RMST: variants seen among roughly 807,000 people sequenced by gnomAD.
The protein encoded by RMST is rhabdomyosarcoma 2 associated transcript.
At chr12:97,551,116 G>A (rs554320485) in intron 11 of RMST, among the ~76,000 whole-genome samples, 66 of 151,214 alleles carry the variant, frequency 4.4e-4, no homozygotes, top group Admixed American at 5.9e-4. Flanking sequence ...TATCTTGAGA[G>A]GCTCTACCAA....
At chr12:97,483,317 A>AT (rs1488678461) in intron 5 of RMST, 1 of 152,124 alleles carries the variant, frequency 6.6e-6, no homozygotes. Flanking sequence ...GTAGGGTACG[A>AT]TTTTTATTTC....
At chr12:97,559,088 TTC>T (rs56136727) in intron 11 of RMST, among the ~76,000 whole-genome samples, 433 of 146,274 alleles carry the variant, frequency 3.0e-3, no homozygotes, top group Admixed American at 3.2e-3. Context: ...ATTTCGAGGT[TTC>T]TCTCTCTCTC....
chr12:97,542,121 T>C lies in RMST; in HGVS notation n.1545+11262T>C, dbSNP rs148392937. ...TATGAAAGTGGGCTTGGAAGTCAGG[T>C]AGCCTGAGTTTAGATCCTTGGTTCT... is the stretch of plus-strand genomic sequence containing the variant. On this transcript the variant is annotated intron_variant and non_coding_transcript_variant, in intron 11 of 13. Coordinates refer to ENST00000640149, the Ensembl canonical transcript of RMST. Among the ~76,000 whole-genome samples, 661 of 152,024 alleles carry C rather than the reference T, an allele frequency of 4.3e-3. 3 individuals carry two copies. The highest frequency in any genetic ancestry group is 7.2e-3 in the Non-Finnish European group (486 of 67,888).
chr12:97,561,629 C>CTTTTTTTTTTTTTT, intron 13 of RMST, among the ~76,000 whole-genome samples: 1 of 56,648 alleles, frequency 1.8e-5, no homozygotes, highest in Non-Finnish European at 3.0e-5. Context: ...AGTTTGAAGG[C>CTTTTTTTTTTTTTT]TTTTTTTTTT....
chr12:97,542,664 C>T (rs1015938569), intron 11 of RMST, among the ~76,000 whole-genome samples: 8 of 151,896 alleles, frequency 5.3e-5, no homozygotes, highest in Non-Finnish European at 1.2e-4. Flanking sequence ...GGACCACATC[C>T]ATCTCTGGGG....
chr12:97,520,578 C>T (rs1362653378), intron 10 of RMST, among the ~76,000 whole-genome samples: 1 of 151,988 alleles, frequency 6.6e-6, no homozygotes, highest in South Asian at 2.1e-4. Context: ...GGCACAAATT[C>T]CACTTTTCAT....
At chr12:97,534,748 T>C (rs1325292642) in intron 11 of RMST, among the ~76,000 whole-genome samples, 4 of 151,896 alleles carry the variant, frequency 2.6e-5, no homozygotes, top group South Asian at 4.1e-4. Flanking sequence ...TGACATTTTC[T>C]CTTATAGCTG....
At chr12:97,465,555 A>G (rs1873089797) in intron 4 of RMST, 1 of 152,208 alleles carries the variant, frequency 6.6e-6, no homozygotes, top group African/African-American at 2.4e-5. Context: ...AGGTATCAGG[A>G]AAGGCATTTA....
At chr12:97,541,568 A>G (rs1183631822) in intron 11 of RMST, among the ~76,000 whole-genome samples, 1 of 151,620 alleles carries the variant, frequency 6.6e-6, no homozygotes, top group Non-Finnish European at 1.5e-5. Context: ...TTCCACTCTT[A>G]TTAATAGGGC....
chr12:97,562,015 G>GAGTGCGCCAGTTTT (rs1354708367), intron 13 of RMST, among the ~76,000 whole-genome samples: 1 of 152,072 alleles, frequency 6.6e-6, no homozygotes, highest in African/African-American at 2.4e-5. Context: ...AGTTTTTGCT[G>GAGTGCGCCAGTTTT]GCTGAGTGCG....
intron 5 of RMST, among the ~76,000 whole-genome samples, chr12:97,490,795 C>A (rs1259306503): frequency 6.6e-6 from 1 of 152,098 alleles, no homozygotes; most frequent in African/African-American, 2.4e-5. Context: ...AAAAACTAAT[C>A]AGCCAGATGT....
intron 11 of RMST, among the ~76,000 whole-genome samples, chr12:97,535,085 TTAAC>T (rs1465557160): frequency 6.6e-6 from 1 of 151,728 alleles, no homozygotes; most frequent in Non-Finnish European, 1.5e-5. Context: ...ATTATCCTCT[TTAAC>T]AGACAATAAT....
Position 97,468,373 on chromosome 12 carries a change from G to A in RMST, n.644+2646G>A, listed in dbSNP as rs117608796. 4.4e-3 allele frequency among the ~76,000 whole-genome samples: 671 copies of A among 152,060 alleles called. 2 individuals carry two copies. The highest frequency in any genetic ancestry group is 7.2e-3 in the Non-Finnish European group (491 of 67,870). On this transcript the variant is annotated intron_variant and non_coding_transcript_variant, in intron 5 of 13. Transcript: ENST00000640149. ...GAGAAGGGCTATATAGACTCGTTAC[G>A]TCCCTGAATCCTTCTAAAGTTGCTA...
At chr12:97,515,363 T>C (rs963589041) in intron 10 of RMST, among the ~76,000 whole-genome samples, 4 of 152,122 alleles carry the variant, frequency 2.6e-5, no homozygotes, top group African/African-American at 9.7e-5. Flanking sequence ...TGTATGTTTT[T>C]AGAGAATAGA....
chr12:97,500,147 C>T (rs1041749353), intron 10 of RMST, among the ~76,000 whole-genome samples: 3 of 152,176 alleles, frequency 2.0e-5, no homozygotes, highest in Non-Finnish European at 2.9e-5. Context: ...ATTGCCTTCT[C>T]CCAGCATTAT....
At position 97,539,579 on chromosome 12, in the gene RMST, G is replaced by T. The variant is rs548987361; in HGVS notation, n.1545+8720G>T. Among the ~76,000 whole-genome samples the T allele has an allele frequency of 9.9e-5, 15 of 151,618 alleles. No homozygotes were observed. In the South Asian group the frequency reaches 2.5e-3, roughly 25 times the overall value. ...TACAGCAATCTATTCTAAACAAAACGATGCCTGGGCACTTTTTGCTATCAT... is the reference window on the plus strand; with the variant it reads ...TACAGCAATCTATTCTAAACAAAACTATGCCTGGGCACTTTTTGCTATCAT... On this transcript the variant is annotated intron_variant and non_coding_transcript_variant, in intron 11 of 13. Coordinates refer to ENST00000640149, the Ensembl canonical transcript of RMST.
intron 11 of RMST, among the ~76,000 whole-genome samples, chr12:97,542,594 G>T (rs1342801299): frequency 6.6e-6 from 1 of 151,756 alleles, no homozygotes; most frequent in East Asian, 1.9e-4. Context: ...ATTTAAATAG[G>T]ACCAGAGCCC....
At chr12:97,564,402 G>GAACACC in exon 14 of RMST, 1 of 155,676 alleles carries the variant, frequency 6.4e-6, no homozygotes, top group Admixed American at 6.3e-5. Context: ...CCATGTAAGG[G>GAACACC]TGTGGTACAA....
chr12:97,539,073 G>C (rs1179458123), intron 11 of RMST, among the ~76,000 whole-genome samples: 1 of 151,292 alleles, frequency 6.6e-6, no homozygotes, highest in East Asian at 1.9e-4. Context: ...ATTGCTATTT[G>C]CTGTCTAATC....
Sources: gnomAD v4.1 joint callset for allele counts (sites outside exome capture counted in the v4.1 genomes callset) on GRCh38, gnomAD v4.1.1 for gene constraint, MANE v1.5 for transcripts, NCBI Gene and HGNC (gene_info 2026-07-23, HGNC 2026-07-21) for gene names.